Variants in NOVA2 observed in about 807,000 individuals in gnomAD.
The protein encoded by NOVA2 is NOVA alternative splicing regulator 2, also known as RNA-binding protein Nova-2.
NOVA2 carries 9 observed loss-of-function variants against 22.5 expected under a neutral mutation model. The observed-to-expected ratio is 0.40, with a 90% CI of 0.24 to 0.70. The LOEUF is 0.70. Ranked by LOEUF, NOVA2 falls within the 30% of genes least tolerant of loss-of-function variation. The pLI, the probability that NOVA2 is intolerant of heterozygous loss-of-function variation, is 0.38. For missense variants in NOVA2, 383 were observed against 682.8 expected (o/e 0.56, Z 4.89); for synonymous variants, 318 against 335.2 (o/e 0.95, Z 0.56).
intron 1 of NOVA2, among the ~76,000 whole-genome samples, chr19:45,970,827 C>T (rs932174948): frequency 1.3e-5 from 2 of 152,150 alleles, no homozygotes; most frequent in African/African-American, 2.4e-5. Flanking sequence ...CTTGCCCAGC[C>T]CTGCCCCTGA....
chr19:45,943,595 G>A (rs542503988), intron 3 of NOVA2, among the ~76,000 whole-genome samples: 1 of 151,862 alleles, frequency 6.6e-6, no homozygotes, highest in South Asian at 2.1e-4. Flanking sequence ...GCACATGCCT[G>A]TAGTCCCAGC....
chr19:45,956,134 A>AC (rs1277783217), intron 2 of NOVA2, among the ~76,000 whole-genome samples: 5 of 145,678 alleles, frequency 3.4e-5, no homozygotes, highest in African/African-American at 1.0e-4. Context: ...CACTCTTACT[A>AC]CCCCCCCTTC....
intron 3 of NOVA2, among the ~76,000 whole-genome samples, chr19:45,943,865 A>G (rs1432714330): frequency 6.6e-6 from 1 of 152,152 alleles, no homozygotes; most frequent in Non-Finnish European, 1.5e-5. Flanking sequence ...AGTACCAAGT[A>G]TTGTTTGCAT....
intron 1 of NOVA2, among the ~76,000 whole-genome samples, chr19:45,964,385 T>C (rs1477419111): frequency 1.3e-5 from 2 of 150,060 alleles, no homozygotes; most frequent in African/African-American, 2.5e-5. Flanking sequence ...TGTGTGTGTG[T>C]GTGTGTGTGT....
intron 1 of NOVA2, among the ~76,000 whole-genome samples, chr19:45,965,252 TC>T (rs1347150831): frequency 6.6e-6 from 1 of 152,134 alleles, no homozygotes; most frequent in African/African-American, 2.4e-5. Context: ...TCAATTTCAC[TC>T]CCCATCTTCT....
In NOVA2 at chr19:45,939,620, C is replaced by T. The variant is rs923248212; in HGVS notation, c.*243G>A. ...ACAGGAAGGGTCAGGCCCAGCCAAGCACAGGGAGGGAGGAAGGAGGGGTCA... is the reference window on the plus strand; with the variant it reads ...ACAGGAAGGGTCAGGCCCAGCCAAGTACAGGGAGGGAGGAAGGAGGGGTCA... On this transcript the variant is annotated 3_prime_UTR_variant, in exon 4 of 4. Coordinates refer to ENST00000263257, the MANE Select transcript of NOVA2 (RefSeq NM_002516.4). 1 of 559,176 alleles carries T rather than the reference C, an allele frequency of 1.8e-6. No individual in the cohort carries two copies. Among genetic ancestry groups the T allele is most frequent in the Admixed American group, 3.2e-5 (1 of 30,960 alleles). The allele number at this position is 559,176 out of a possible 1,614,324, so 34.6% of individuals were successfully genotyped here.
intron 2 of NOVA2, among the ~76,000 whole-genome samples, chr19:45,956,882 G>C (rs1968014064): frequency 6.6e-6 from 1 of 152,224 alleles, no homozygotes; most frequent in Non-Finnish European, 1.5e-5. Flanking sequence ...CTCTTAGATG[G>C]TAGTGGATGT....
At chr19:45,944,492 A>G (rs1296037850) in intron 3 of NOVA2, among the ~76,000 whole-genome samples, 1 of 152,204 alleles carries the variant, frequency 6.6e-6, no homozygotes, top group East Asian at 1.9e-4. Context: ...GCAAAAAATA[A>G]AATTCATCTT....
intron 2 of NOVA2, 36 bp downstream of exon 2, chr19:45,960,974 G>A (rs1442831697): frequency 1.3e-6 from 2 of 1,547,300 alleles, no homozygotes; most frequent in Non-Finnish European, 1.8e-6. Context: ...GAGGAAGGGC[G>A]GGGGGCCTAG....
Position 45,938,709 on chromosome 19 carries a change from G to A in NOVA2, c.*1154C>T, listed in dbSNP as rs559319381. On this transcript the variant is annotated 3_prime_UTR_variant, in exon 4 of 4. Transcript: ENST00000263257. ...TTTTTCCGTTAGAGTCCTCCAGATTGGATCCAAGTCCCGTGCCTTATTCTC... is the reference window on the plus strand; with the variant it reads ...TTTTTCCGTTAGAGTCCTCCAGATTAGATCCAAGTCCCGTGCCTTATTCTC... 1 of 152,326 alleles carries A rather than the reference G, an allele frequency of 6.6e-6. No individual in the cohort carries two copies. The highest frequency in any genetic ancestry group is 2.4e-5 in the African/African-American group (1 of 41,566). The allele number at this position is 152,326 out of a possible 1,614,324, so 9.4% of individuals were successfully genotyped here. A position where few individuals can be genotyped will look rare whatever the true frequency, so the allele number is the denominator to read the frequency against.
At chr19:45,952,681 C>G (rs1406091291) in intron 3 of NOVA2, among the ~76,000 whole-genome samples, 1 of 152,216 alleles carries the variant, frequency 6.6e-6, no homozygotes, top group African/African-American at 2.4e-5. Flanking sequence ...ATAACTTGTG[C>G]GCTGCTGGTG....
At chr19:45,948,599 C>CAAAAAAAAAAAA (rs1227808626) in intron 3 of NOVA2, among the ~76,000 whole-genome samples, 2 of 72,658 alleles carry the variant, frequency 2.8e-5, no homozygotes, top group Non-Finnish European at 2.8e-5. Flanking sequence ...GACTCTGTCT[C>CAAAAAAAAAAAA]AAAAAAAAAA....
chr19:45,952,685 G>A (rs1967943497), intron 3 of NOVA2, among the ~76,000 whole-genome samples: 1 of 152,240 alleles, frequency 6.6e-6, no homozygotes, highest in African/African-American at 2.4e-5. Flanking sequence ...CTTGTGCGCT[G>A]CTGGTGGGAA....
intron 1 of NOVA2, chr19:45,967,275 G>A (rs144556975): frequency 2.0e-5 from 3 of 152,246 alleles, no homozygotes; most frequent in Non-Finnish European, 2.9e-5. Flanking sequence ...TCCCCAGAAA[G>A]AAACCAGGTC....
chr19:45,961,213 G>C, intron 1 of NOVA2, 60 bp from the exon 2 acceptor site: 1 of 1,319,666 alleles, frequency 7.6e-7, no homozygotes, highest in East Asian at 2.4e-5. Flanking sequence ...CCTTTGGAGG[G>C]GGTGAGCAGA....
intron 1 of NOVA2, among the ~76,000 whole-genome samples, chr19:45,964,872 T>C (rs1649725992): frequency 6.6e-6 from 1 of 152,138 alleles, no homozygotes; most frequent in Non-Finnish European, 1.5e-5. Context: ...CTGCCTGGCC[T>C]CTTAAGATGA....
intron 1 of NOVA2, among the ~76,000 whole-genome samples, chr19:45,970,530 C>T (rs1334947663): frequency 6.6e-6 from 1 of 151,946 alleles, no homozygotes; most frequent in Non-Finnish European, 1.5e-5. Flanking sequence ...CGCCCACCAC[C>T]ATGCCCCGAT....
Position 45,940,628 on chromosome 19 carries a change from C to A in NOVA2, c.714G>T (p.Leu238=), listed in dbSNP as rs1047061. 962,699 of 1,473,314 alleles carry A rather than the reference C, an allele frequency of 0.65. 316,050 individuals carry two copies. Among genetic ancestry groups the A allele is most frequent in the East Asian group, 0.8 (29,732 of 37,302 alleles). The allele number at this position is 1,473,314 out of a possible 1,614,324, so 91.3% of individuals were successfully genotyped here. The change falls in exon 4 of 4, where the codon CTG becomes CTT. Residue 238 remains leucine (L), a synonymous_variant. Transcript: ENST00000263257. ...CGGCCGACGCTGCGGCCGCGGCTGGCAGCACATCCGCGGGGCTGGCGTACG... is the reference window on the plus strand; with the variant it reads ...CGGCCGACGCTGCGGCCGCGGCTGGAAGCACATCCGCGGGGCTGGCGTACG... ...GSPYASPADV[L]PAAAAASAAA...
At chr19:45,943,053 C>CTT (rs58123743) in intron 3 of NOVA2, among the ~76,000 whole-genome samples, 4 of 117,596 alleles carry the variant, frequency 3.4e-5, no homozygotes, top group Non-Finnish European at 7.1e-5. Flanking sequence ...TATATGTCTA[C>CTT]TTTTTTTTTT....
Sources: allele counts gnomAD v4.1 joint callset (sites outside exome capture counted in the v4.1 genomes callset), GRCh38; gene constraint gnomAD v4.1.1; transcripts MANE v1.5; gene names NCBI Gene and HGNC (gene_info 2026-07-23, HGNC 2026-07-21).